The following SLC25A19 variants were observed in gnomAD, a reference collection of about 807,000 sequenced individuals.
SLC25A19 encodes the protein mitochondrial thiamine pyrophosphate carrier.
SLC25A19 carries 18 observed loss-of-function variants against 27.9 expected under a neutral mutation model. The ratio of observed to expected loss-of-function variants is 0.64; its 90% CI spans 0.45 to 0.96. The LOEUF is 0.96. SLC25A19 is among the 40% of genes least tolerant of loss of function. SLC25A19 has a pLI of 0.00. For missense variants in SLC25A19, 371 were observed against 418.3 expected, an observed-to-expected ratio of 0.89 and a Z score of 0.99; for synonymous variants, 169 against 167.1, an observed-to-expected ratio of 1.01 and a Z score of -0.09.
Position 75,288,583 on chromosome 17 carries a change from G to A in SLC25A19, c.-120C>T, listed in dbSNP as rs2145791676. ...ACAGGTAGTTGGTAACTGATCACAGGGAGAAGGGCTGAGAAGGGAAAAAGG... is the reference window on the plus strand; with the variant it reads ...ACAGGTAGTTGGTAACTGATCACAGAGAGAAGGGCTGAGAAGGGAAAAAGG... On this transcript the variant is annotated 5_prime_UTR_variant, in exon 2 of 8. Coordinates refer to ENST00000416858, the MANE Select transcript of SLC25A19 (RefSeq NM_001126121.2). 6.6e-6 allele frequency: 1 copy of A among 151,536 alleles called. No homozygotes were observed. Among genetic ancestry groups the A allele is most frequent in the South Asian group, 2.1e-4 (1 of 4,792 alleles). 9.4% of individuals were successfully genotyped at this position (151,536 alleles called of 1,614,324 possible). A position where few individuals can be genotyped will look rare whatever the true frequency, so the allele number is the denominator to read the frequency against.
rs2078236304 is a variant in SLC25A19 at position 75,288,599 on chromosome 17, G to A, written c.-128-8C>T. On this transcript the variant is annotated splice_polypyrimidine_tract_variant and splice_region_variant and intron_variant, in intron 1 of 7. Coordinates refer to ENST00000416858, the MANE Select transcript of SLC25A19 (RefSeq NM_001126121.2). ...TGATCACAGGGAGAAGGGCTGAGAAGGGAAAAAGGAAGGTAGACCTGTCGA... is the reference window on the plus strand; with the variant it reads ...TGATCACAGGGAGAAGGGCTGAGAAAGGAAAAAGGAAGGTAGACCTGTCGA... 1 of 150,774 alleles carries A rather than the reference G, an allele frequency of 6.6e-6. No homozygotes were observed. Among genetic ancestry groups the A allele is most frequent in the Non-Finnish European group, 1.5e-5 (1 of 67,822 alleles). The allele number at this position is 150,774 out of a possible 1,614,324, so 9.3% of individuals were successfully genotyped here.
At chr17:75,287,844 C>T (rs906908259) in intron 2 of SLC25A19, among the ~76,000 whole-genome samples, 16 of 152,188 alleles carry the variant, frequency 1.1e-4, no homozygotes, top group Non-Finnish European at 2.1e-4. Flanking sequence ...CCATGCTACG[C>T]TAGCAAATGA....
At chr17:75,284,988 G>C (rs1456589641) in intron 4 of SLC25A19, among the ~76,000 whole-genome samples, 1 of 151,916 alleles carries the variant, frequency 6.6e-6, no homozygotes, top group Non-Finnish European at 1.5e-5. Flanking sequence ...GCCCAGGCTG[G>C]AGTGCAGTGG....
In SLC25A19 at chr17:75,273,504, C is replaced by A; in HGVS notation, c.910G>T (p.Glu304Ter). ...CAGTGGAAGACATTACAGAAGAATT[C>A]ATACGAGAAGAACATGAAGCCTGTG... ...LSTGFMFFSY[E>*]FFCNVFHCMN... is the part of the protein sequence containing the mutation. Residue 304 changes from glutamate (E) to a stop codon, truncating the protein, a stop_gained, in exon 8 of 8, where the codon GAA becomes TAA. Coordinates refer to ENST00000416858, the MANE Select transcript of SLC25A19 (RefSeq NM_001126121.2). LOFTEE classifies it high-confidence loss of function. 6.2e-7 allele frequency: 1 copy of A among 1,614,220 alleles called. No individual in the cohort carries two copies. Among genetic ancestry groups the A allele is most frequent in the Non-Finnish European group, 8.5e-7 (1 of 1,180,048 alleles).
chr17:75,280,030 C>A (rs62089327), intron 5 of SLC25A19, among the ~76,000 whole-genome samples: 1 of 122,160 alleles, frequency 8.2e-6, no homozygotes, highest in Non-Finnish European at 1.9e-5. Context: ...TCCTTCCTTT[C>A]CCACTAACAG....
chr17:75,284,633 C>CT (rs1555604197), intron 4 of SLC25A19, among the ~76,000 whole-genome samples: 28 of 112,290 alleles, frequency 2.5e-4, no homozygotes, highest in South Asian at 9.5e-4. Flanking sequence ...TCAGATCTTT[C>CT]TTTTTTTTTT....
intron 1 of SLC25A19, 196 bp downstream of exon 1, chr17:75,289,158 G>A (rs2078252451): frequency 6.6e-6 from 1 of 152,354 alleles, no homozygotes; most frequent in African/African-American, 2.4e-5. Context: ...TGGAGCTCAG[G>A]TGCTCAAGGG....
At chr17:75,287,708 G>A (rs2078216081) in intron 2 of SLC25A19, 1 of 152,266 alleles carries the variant, frequency 6.6e-6, no homozygotes, top group African/African-American at 2.4e-5. Flanking sequence ...TGCAGGGCTG[G>A]AGAACAGGGA....
chr17:75,279,841 C>T (rs1380309250), intron 5 of SLC25A19, among the ~76,000 whole-genome samples: 5 of 152,098 alleles, frequency 3.3e-5, no homozygotes, highest in African/African-American at 1.2e-4. Context: ...GGATATCTCA[C>T]TTTGTTGTTT....
chr17:75,285,466 A>G (rs1181452213), intron 4 of SLC25A19, among the ~76,000 whole-genome samples: 1 of 152,226 alleles, frequency 6.6e-6, no homozygotes, highest in Non-Finnish European at 1.5e-5. Context: ...TCATGCTGCA[A>G]TATCTGTTTG....
chr17:75,283,597 C>T lies in SLC25A19; in HGVS notation c.289-4G>A. On this transcript the variant is annotated splice_polypyrimidine_tract_variant and splice_region_variant and intron_variant, in intron 4 of 7. Coordinates refer to ENST00000416858, the MANE Select transcript of SLC25A19 (RefSeq NM_001126121.2). The stretch of plus-strand genomic sequence containing the variant: ...TCAGCATTTCAAATGACAAGAACTG[C>T]AAGAGTAAGTGAAGAAGTCACCGAC... 2 of 1,612,674 alleles carry T rather than the reference C, an allele frequency of 1.2e-6. No homozygotes were observed. Among genetic ancestry groups the T allele is most frequent in the Non-Finnish European group, 1.7e-6 (2 of 1,179,314 alleles).
At position 75,273,534 on chromosome 17, in the gene SLC25A19, G is replaced by A; in HGVS notation, c.880C>T (p.Leu294Phe). 6.2e-7 allele frequency: 1 copy of A among 1,614,194 alleles called. No individual in the cohort carries two copies. The highest frequency in any genetic ancestry group is 8.5e-7 in the Non-Finnish European group (1 of 1,180,038). The part of the protein sequence containing the change: ...GLSPSLLKAA[L>F]STGFMFFSYE... The stretch of plus-strand genomic sequence containing the variant: ...GAGAAGAACATGAAGCCTGTGGAGA[G>A]GGCAGCCTTCAGCAAGCTGGGGGAC... The change falls in exon 8 of 8, where the codon CTC (leucine) becomes TTC (phenylalanine). Residue 294 changes from leucine to phenylalanine, a missense_variant. Coordinates refer to ENST00000416858, the MANE Select transcript of SLC25A19 (RefSeq NM_001126121.2).
chr17:75,283,278 A>G (rs2078091043), intron 5 of SLC25A19, 145 bp downstream of exon 5: 3 of 887,590 alleles, frequency 3.4e-6, no homozygotes, highest in Non-Finnish European at 4.8e-6. Context: ...TCCAGCCTGC[A>G]TGACAGAGCG....
At chr17:75,278,555 T>A (rs1278033043) in intron 5 of SLC25A19, among the ~76,000 whole-genome samples, 1 of 152,112 alleles carries the variant, frequency 6.6e-6, no homozygotes, top group Non-Finnish European at 1.5e-5. Flanking sequence ...TATCCACAGG[T>A]GTGCACAAAA....
Position 75,286,454 on chromosome 17 carries a change from C to G in SLC25A19, c.138G>C (p.Gln46His). Residue 46 changes from glutamine to histidine, a missense_variant, in exon 4 of 8, where the codon CAG becomes CAC. Transcript: ENST00000416858. ...FDVIKIRFQL[Q>H]HERLSRSDPS... ...GGTCACTGCGAGACAGGCGCTCATGCTGAAGCTAGGAATCAAAATAAAAAA... is the reference window on the plus strand; with the variant it reads ...GGTCACTGCGAGACAGGCGCTCATGGTGAAGCTAGGAATCAAAATAAAAAA... 6.2e-7 allele frequency: 1 copy of G among 1,613,948 alleles called. No individual in the cohort carries two copies. Among genetic ancestry groups the G allele is most frequent in the Non-Finnish European group, 8.5e-7 (1 of 1,179,898 alleles).
At position 75,286,411 on chromosome 17, in the gene SLC25A19, C is replaced by T; in HGVS notation, c.181G>A (p.Gly61Ser). ...SRSDPSAKYHGILQASRQILQ... is the reference protein window; with the variant it reads ...SRSDPSAKYHSILQASRQILQ... ...ATCTGCCTAGAGGCCTGGAGGATGC[C>T]ATGGTACTTTGCGCTGGGGTCACTG... The change falls in exon 4 of 8, where the codon GGC becomes AGC. Residue 61 changes from glycine to serine, a missense_variant. Gly to Ser is a moderately conservative substitution (Grantham distance 56, BLOSUM62 0). Coordinates refer to ENST00000416858, the MANE Select transcript of SLC25A19 (RefSeq NM_001126121.2). The T allele has an allele frequency of 6.2e-7, 1 of 1,614,038 alleles. No homozygotes were observed. The highest frequency in any genetic ancestry group is 2.2e-5 in the East Asian group (1 of 44,902).
chr17:75,278,228 G>C lies in SLC25A19; in HGVS notation c.567C>G (p.Ala189=). The C allele has an allele frequency of 6.2e-7, 1 of 1,614,018 alleles. No individual in the cohort carries two copies. Residue 189 remains alanine (A), a synonymous_variant, in exon 6 of 8, where the codon GCC becomes GCG. Transcript: ENST00000416858. ...AGCTGTAGCAAGAGAACTGCAGCCC[G>C]GCGTAGGGGAAGATGGCGATCAAGG... The part of the protein sequence containing the change: ...APTLIAIFPY[A]GLQFSCYSSL...
chr17:75,275,761 C>T (rs2077868203), intron 7 of SLC25A19, among the ~76,000 whole-genome samples: 1 of 152,010 alleles, frequency 6.6e-6, no homozygotes, highest in South Asian at 2.1e-4. Context: ...TCAAGACCAC[C>T]TTGGCCAATG....
At position 75,275,676 on chromosome 17, in the gene SLC25A19, CA is replaced by C. The variant is rs1009412324; in HGVS notation, c.774+1676del. 2.6e-3 allele frequency among the ~76,000 whole-genome samples: 400 copies of C among 152,280 alleles called. 3 individuals are homozygous for C. Among genetic ancestry groups the C allele is most frequent in the African/African-American group, 8.7e-3 (363 of 41,564 alleles). ...GTGCACATAAAATACAACTTAGGCC[CA>C]GGTGTGGCGGCTCATGCCTGTAATC... On this transcript the variant is annotated intron_variant, in intron 7 of 7. Transcript: ENST00000416858.
Sources: allele counts gnomAD v4.1 joint callset (sites outside exome capture counted in the v4.1 genomes callset), GRCh38; gene constraint gnomAD v4.1.1; transcripts MANE v1.5; gene names NCBI Gene and HGNC (gene_info 2026-07-23, HGNC 2026-07-21).